The following RAP1B variants were observed in gnomAD, a reference collection of about 807,000 sequenced individuals.
The protein encoded by RAP1B is RAP1B, member of RAS oncogene family.
A neutral mutation model predicts 27.5 loss-of-function variants in RAP1B; 1 was observed. The ratio of observed to expected loss-of-function variants is 0.04; its 90% CI spans 0.01 to 0.17. The LOEUF is 0.17. Among genes scored for constraint, RAP1B ranks in the 10% least tolerant of loss-of-function variants. The probability of loss-of-function intolerance (pLI) is 1.00; values close to 1 mark genes in which losing one functional copy is unlikely to be tolerated. For synonymous variants in RAP1B, 75 were observed against 73.1 expected (o/e 1.03, Z -0.13); for missense variants, 84 against 214.8 (o/e 0.39, Z 3.81).
chr12:68,621,174 A>G (rs564694966), intron 1 of RAP1B, among the ~76,000 whole-genome samples: 5 of 152,326 alleles, frequency 3.3e-5, no homozygotes, highest in African/African-American at 1.2e-4. Context: ...ATTAAGCATT[A>G]TAGAACTCCT....
rs897990021 is a variant in RAP1B, at chr12:68,652,648, C to T, written c.183+597C>T. On this transcript the variant is annotated intron_variant, in intron 4 of 7. Transcript: ENST00000250559. ...TGGGCAACACAGTGAAACCCCGTAT[C>T]TACTAAAAATATAAAAAAAATTAGC... 5.9e-5 allele frequency among the ~76,000 whole-genome samples: 9 copies of T among 151,732 alleles called. No individual in the cohort carries two copies. In the East Asian group the frequency reaches 1.7e-3, roughly 29 times the overall value.
intron 1 of RAP1B, among the ~76,000 whole-genome samples, chr12:68,647,809 GGTTA>G (rs1255911438): frequency 2.6e-5 from 4 of 152,122 alleles, no homozygotes; most frequent in South Asian, 4.2e-4. Context: ...CTCATTAGTT[GGTTA>G]GTTTGTAGAA....
chr12:68,611,565 C>G (rs574008411), intron 1 of RAP1B, among the ~76,000 whole-genome samples: 5 of 152,094 alleles, frequency 3.3e-5, no homozygotes, highest in Non-Finnish European at 7.4e-5. Context: ...GGGCGAGGAG[C>G]CTTCGGGGGA....
Position 68,670,283 on chromosome 12 carries a change from CAACT to C in RAP1B, c.*11040_*11043del, listed in dbSNP as rs1420843585. ...AAATAGTATCAGTAAAATGCTAGCA[CAACT>C]AACTATCTGTCTAAAGACAATAAAA... is the stretch of plus-strand genomic sequence containing the variant. On this transcript the variant is annotated 3_prime_UTR_variant, in exon 8 of 8. Transcript: ENST00000250559. 7 of 152,144 alleles carry C rather than the reference CAACT, an allele frequency of 4.6e-5. No individual in the cohort carries two copies. The highest frequency in any genetic ancestry group is 1.9e-4 in the East Asian group (1 of 5,196). 9.4% of individuals were successfully genotyped at this position (152,144 alleles called of 1,614,324 possible).
chr12:68,642,600 CAGT>C, intron 1 of RAP1B: 1 of 1,016,176 alleles, frequency 9.8e-7, no homozygotes, highest in Non-Finnish European at 1.6e-6. Context: ...TTCAAGTCCT[CAGT>C]GGTCATCTGA....
intron 1 of RAP1B, chr12:68,626,772 G>A: frequency 8.4e-7 from 1 of 1,191,804 alleles, no homozygotes. Context: ...ATTTTCCAGG[G>A]TGTTTTTTTT....
At chr12:68,636,840 G>A (rs921485662) in intron 1 of RAP1B, among the ~76,000 whole-genome samples, 4 of 151,796 alleles carry the variant, frequency 2.6e-5, no homozygotes, top group Non-Finnish European at 4.4e-5. Context: ...TTTTAGTAGC[G>A]ATGGGGTTTC....
intron 1 of RAP1B, among the ~76,000 whole-genome samples, chr12:68,636,725 G>GTTT (rs58164003): frequency 9.9e-5 from 15 of 150,896 alleles, no homozygotes; most frequent in African/African-American, 3.7e-4. Flanking sequence ...TATCCCTGCT[G>GTTT]TTTTTTTTTG....
At chr12:68,620,103 C>T (rs1183829035) in intron 1 of RAP1B, among the ~76,000 whole-genome samples, 1 of 150,812 alleles carries the variant, frequency 6.6e-6, no homozygotes, top group Non-Finnish European at 1.5e-5. Flanking sequence ...GTTGTCTTAC[C>T]TTAAGTAGAC....
chr12:68,634,582 A>AT (rs1375800817), intron 1 of RAP1B, among the ~76,000 whole-genome samples: 1,571 of 149,286 alleles, frequency 0.011, 10 homozygotes, highest in South Asian at 0.02. Context: ...AGCCTATATT[A>AT]TTATTTTTTT....
At chr12:68,636,969 T>A in intron 1 of RAP1B, among the ~76,000 whole-genome samples, 1 of 152,146 alleles carries the variant, frequency 6.6e-6, no homozygotes, top group East Asian at 1.9e-4. Context: ...CTACTTTTTT[T>A]AATGCCAAGA....
At chr12:68,627,173 G>A (rs192673394) in intron 1 of RAP1B, 4 of 1,557,402 alleles carry the variant, frequency 2.6e-6, no homozygotes, top group Non-Finnish European at 3.5e-6. Flanking sequence ...CACCTCGCAT[G>A]CCTGTTTGGA....
chr12:68,653,963 C>A (rs1416856252), intron 4 of RAP1B, 149 bp from the exon 5 acceptor site: 7 of 698,918 alleles, frequency 1.0e-5, no homozygotes, highest in East Asian at 3.2e-5. Context: ...CCAATTTTTT[C>A]AAATAGTATC....
rs1223379070 is a variant in RAP1B at position 68,654,107 on chromosome 12, T to C, written c.184-5T>C. On this transcript the variant is annotated splice_region_variant and splice_polypyrimidine_tract_variant and intron_variant, in intron 4 of 7. Transcript: ENST00000250559. Reference sequence around the variant, plus strand: ...TTTTTTAACGTTCCTTTCTTTCTATTGTAGGAGCAATTTACAGCAATGAGG... The same window carrying C: ...TTTTTTAACGTTCCTTTCTTTCTATCGTAGGAGCAATTTACAGCAATGAGG... 1.9e-6 allele frequency: 3 copies of C among 1,576,446 alleles called. No individual in the cohort carries two copies. Among genetic ancestry groups the C allele is most frequent in the African/African-American group, 1.4e-5 (1 of 73,788 alleles).
chr12:68,642,350 G>T (rs1269889518), intron 1 of RAP1B, among the ~76,000 whole-genome samples: 1 of 152,066 alleles, frequency 6.6e-6, no homozygotes, highest in African/African-American at 2.4e-5. Flanking sequence ...AAAAAAAGTT[G>T]TTAAAGGCAA....
At chr12:68,613,157 C>T (rs988537247) in intron 1 of RAP1B, among the ~76,000 whole-genome samples, 1 of 151,956 alleles carries the variant, frequency 6.6e-6, no homozygotes, top group Admixed American at 6.6e-5. Context: ...GTGAAGAGTT[C>T]GAGAACAGCC....
At chr12:68,612,269 T>C (rs1044138590) in intron 1 of RAP1B, among the ~76,000 whole-genome samples, 1 of 152,234 alleles carries the variant, frequency 6.6e-6, no homozygotes, top group African/African-American at 2.4e-5. Context: ...TTTTCGTAAT[T>C]AGAATACTGT....
chr12:68,657,397 G>T, intron 7 of RAP1B, 180 bp downstream of exon 7: 2 of 438,016 alleles, frequency 4.6e-6, no homozygotes, highest in Non-Finnish European at 8.2e-6. Context: ...CATGAGTAAA[G>T]TATTTCACAT....
chr12:68,640,958 T>G (rs1872954478), intron 1 of RAP1B: 1 of 152,228 alleles, frequency 6.6e-6, no homozygotes, highest in African/African-American at 2.4e-5. Context: ...TAATCTCCGG[T>G]TAATGAAATA....
Sources: allele counts gnomAD v4.1 joint callset (sites outside exome capture counted in the v4.1 genomes callset), GRCh38; gene constraint gnomAD v4.1.1; transcripts MANE v1.5; gene names NCBI Gene and HGNC (gene_info 2026-07-23, HGNC 2026-07-21).